SCYL3: variants seen among roughly 807,000 people sequenced by gnomAD.
The protein encoded by SCYL3 is SCY1 like pseudokinase 3, also known as protein-associating with the carboxyl-terminal domain of ezrin.
Under a neutral mutation model 73.8 loss-of-function variants are expected in SCYL3, and 35 were observed. The observed-to-expected ratio is 0.47, with a 90% CI of 0.36 to 0.63. The LOEUF is 0.63. Ranked by LOEUF, SCYL3 falls within the 20% of genes least tolerant of loss-of-function variation. The probability of loss-of-function intolerance (pLI) is 0.00; values close to 1 mark genes in which losing one functional copy is unlikely to be tolerated. For missense variants in SCYL3, 712 were observed against 798.9 expected (o/e 0.89, Z 1.31); for synonymous variants, 277 against 295.2 (o/e 0.94, Z 0.63).
At chr1:169,893,300 G>C (rs1391062209) in intron 1 of SCYL3, among the ~76,000 whole-genome samples, 1 of 152,164 alleles carries the variant, frequency 6.6e-6, no homozygotes, top group Non-Finnish European at 1.5e-5. Flanking sequence ...ACTGGTCTTG[G>C]ATCAAGAATG....
In SCYL3 at chr1:169,853,560, C is replaced by T. The variant is rs1465994761; in HGVS notation, c.*153G>A. ...TTTAGCCAGCACTCACAGTCAGTCTCCTACTTCAGTTGGCACAGACTGGAT... is the reference window on the plus strand; with the variant it reads ...TTTAGCCAGCACTCACAGTCAGTCTTCTACTTCAGTTGGCACAGACTGGAT... On this transcript the variant is annotated 3_prime_UTR_variant, in exon 13 of 13. Coordinates refer to ENST00000367771, the MANE Select transcript of SCYL3 (RefSeq NM_020423.7). The T allele has an allele frequency of 6.6e-6, 5 of 753,352 alleles. No homozygotes were observed. The highest frequency in any genetic ancestry group is 1.1e-5 in the Non-Finnish European group (5 of 456,794). The allele number at this position is 753,352 out of a possible 1,614,324, so 46.7% of individuals were successfully genotyped here. A position where few individuals can be genotyped will look rare whatever the true frequency, so the allele number is the denominator to read the frequency against.
chr1:169,890,145 A>G (rs1380269155), intron 1 of SCYL3, among the ~76,000 whole-genome samples: 2 of 152,256 alleles, frequency 1.3e-5, no homozygotes, highest in Non-Finnish European at 2.9e-5. Context: ...GCTATCACAG[A>G]GTTCCAACCA....
chr1:169,854,931 A>C lies in SCYL3; in HGVS notation c.1346T>G (p.Ile449Arg). The change falls in exon 12 of 13, where the codon ATA becomes AGA. Residue 449 changes from isoleucine to arginine, a missense_variant. By Grantham distance (97) the Ile-to-Arg change is moderately conservative. Around this residue, in one of 2 missense-constraint regions of SCYL3, gnomAD observed 370 missense variants for 350.8 expected, o/e 1.05. Coordinates refer to ENST00000367771, the MANE Select transcript of SCYL3 (RefSeq NM_020423.7). The part of the protein sequence containing the change: ...DPFSQPIKFP[I>R]NGLSDVKNTS... Reference sequence around the variant, plus strand: ...ATTTTTTACATCTGAGAGTCCATTTATGGGAAATTTAATAGGCTGAGAAAA... The same window carrying C: ...ATTTTTTACATCTGAGAGTCCATTTCTGGGAAATTTAATAGGCTGAGAAAA... 1 of 1,610,572 alleles carries C rather than the reference A, an allele frequency of 6.2e-7. No homozygotes were observed. The highest frequency in any genetic ancestry group is 1.1e-5 in the South Asian group (1 of 90,550).
chr1:169,891,953 G>A (rs1662116157), intron 1 of SCYL3, among the ~76,000 whole-genome samples: 1 of 152,064 alleles, frequency 6.6e-6, no homozygotes, highest in South Asian at 2.1e-4. Flanking sequence ...CTGTATTTTA[G>A]GTCTAAGACT....
At chr1:169,858,497 T>A (rs1010543588) in intron 11 of SCYL3, among the ~76,000 whole-genome samples, 12 of 152,230 alleles carry the variant, frequency 7.9e-5, no homozygotes, top group African/African-American at 2.9e-4. Flanking sequence ...TTCTTTTTAA[T>A]AAGCAGAAGG....
intron 1 of SCYL3, among the ~76,000 whole-genome samples, chr1:169,891,316 C>A (rs967947962): frequency 3.9e-5 from 6 of 152,310 alleles, no homozygotes; most frequent in African/African-American, 1.4e-4. Flanking sequence ...TTACTACTAT[C>A]CATCTCAAGA....
Position 169,870,618 on chromosome 1 carries a change from C to T in SCYL3, c.523-261G>A, listed in dbSNP as rs186603533. Among the ~76,000 whole-genome samples, 623 of 152,208 alleles carry T rather than the reference C, an allele frequency of 4.1e-3. 5 individuals carry two copies. The highest frequency in any genetic ancestry group is 0.013 in the African/African-American group (553 of 41,538). Reference sequence around the variant, plus strand: ...CTTTTACAAATATTTTCACAGCAATCCATGGTAAAGAATATGTCTTATATC... The same window carrying T: ...CTTTTACAAATATTTTCACAGCAATTCATGGTAAAGAATATGTCTTATATC... On this transcript the variant is annotated intron_variant, in intron 5 of 12. Coordinates refer to ENST00000367771, the MANE Select transcript of SCYL3 (RefSeq NM_020423.7).
At position 169,853,340 on chromosome 1, in the gene SCYL3, C is replaced by CTTATG. The variant is rs1365564382; in HGVS notation, c.*368_*372dup. The CTTATG allele has an allele frequency of 9.3e-6, 3 of 321,146 alleles. No individual in the cohort carries two copies. 19.9% of individuals were successfully genotyped at this position (321,146 alleles called of 1,614,324 possible). ...GTTGTATTTCATAATAGAGCTTACT[C>CTTATG]TTATGTTAAAGAATGGCACAAAATT... On this transcript the variant is annotated 3_prime_UTR_variant, in exon 13 of 13. Coordinates refer to ENST00000367771, the MANE Select transcript of SCYL3 (RefSeq NM_020423.7).
At chr1:169,857,807 A>T (rs1659305324) in intron 11 of SCYL3, among the ~76,000 whole-genome samples, 1 of 152,222 alleles carries the variant, frequency 6.6e-6, no homozygotes, top group Admixed American at 6.5e-5. Flanking sequence ...TTGTCCTTGT[A>T]TAAACATAGA....
At chr1:169,862,841 A>C (rs376691644) in intron 9 of SCYL3, 44 bp from the exon 10 acceptor site, 1 of 1,591,044 alleles carries the variant, frequency 6.3e-7, no homozygotes. Context: ...ACAAATTTTC[A>C]TTTCAGTGAA....
At chr1:169,892,378 C>T (rs1219170681) in intron 1 of SCYL3, among the ~76,000 whole-genome samples, 1 of 152,208 alleles carries the variant, frequency 6.6e-6, no homozygotes, top group East Asian at 1.9e-4. Context: ...CCCTCCCCAG[C>T]CTCCCTAGTT....
At chr1:169,873,907 C>G (rs1660611435) in intron 4 of SCYL3, among the ~76,000 whole-genome samples, 155 bp from the exon 5 acceptor site, 1 of 152,180 alleles carries the variant, frequency 6.6e-6, no homozygotes, top group Admixed American at 6.5e-5. Context: ...TAAAATGCTT[C>G]TAATTTTAAA....
chr1:169,891,567 GTCTC>G (rs1321737201), intron 1 of SCYL3, among the ~76,000 whole-genome samples: 1 of 152,194 alleles, frequency 6.6e-6, no homozygotes, highest in African/African-American at 2.4e-5. Flanking sequence ...TAGTCTGACC[GTCTC>G]TCTCTCACCC....
intron 10 of SCYL3, chr1:169,859,889 GTAACCTCCCAGGAGCTGGGGAC>G (rs1325194473): frequency 4.6e-5 from 7 of 152,358 alleles, no homozygotes; most frequent in Middle Eastern, 3.4e-3. Context: ...CATCAATATA[GTAACCTCCCAGGAGCTGGGGAC>G]TACCAGGTTG....
intron 11 of SCYL3, among the ~76,000 whole-genome samples, chr1:169,857,250 A>G (rs1222758119): frequency 6.6e-6 from 1 of 152,244 alleles, no homozygotes; most frequent in Non-Finnish European, 1.5e-5. Flanking sequence ...TATCTACTAA[A>G]TTTAAAATAT....
rs1309925782 is a variant in SCYL3, at chr1:169,854,682, C to T, written c.1595G>A (p.Gly532Asp). Residue 532 changes from glycine to aspartate, a missense_variant, in exon 12 of 13, where the codon GGT (glycine) becomes GAT (aspartate). Around this residue, in one of 2 missense-constraint regions of SCYL3, gnomAD observed 370 missense variants for 350.8 expected, o/e 1.05. Coordinates refer to ENST00000367771, the MANE Select transcript of SCYL3 (RefSeq NM_020423.7). ...AACAGGTTTTGTAGCAGTGATTCCA[C>T]CTCCTGGGTTTACTTTAGTATCTAA... Reference protein sequence around the residue: ...SSLDTKVNPGGGITATKPVTS... With the variant: ...SSLDTKVNPGDGITATKPVTS... 1.2e-5 allele frequency: 19 copies of T among 1,613,900 alleles called. No homozygotes were observed. The Admixed American group carries it at 3.0e-4, about 25-fold the overall frequency.
chr1:169,893,761 G>C (rs1662259361), intron 1 of SCYL3, 27 bp downstream of exon 1: 1 of 152,224 alleles, frequency 6.6e-6, no homozygotes, highest in Non-Finnish European at 1.5e-5. Flanking sequence ...GCAAGGACTG[G>C]GGGCGCAGCG....
At chr1:169,857,640 T>C (rs937554876) in intron 11 of SCYL3, among the ~76,000 whole-genome samples, 1 of 152,252 alleles carries the variant, frequency 6.6e-6, no homozygotes, top group Non-Finnish European at 1.5e-5. Flanking sequence ...TAAGTTAGAC[T>C]TCTATGTATT....
In SCYL3 at chr1:169,852,548, A is replaced by G. The variant is rs1302556483; in HGVS notation, c.*1165T>C. ...CTCATTGGGAGCCCTTTGGGACAGGATACTTGTTGTATACCACATACAAAC... is the reference window on the plus strand; with the variant it reads ...CTCATTGGGAGCCCTTTGGGACAGGGTACTTGTTGTATACCACATACAAAC... On this transcript the variant is annotated 3_prime_UTR_variant, in exon 13 of 13. Coordinates refer to ENST00000367771, the MANE Select transcript of SCYL3 (RefSeq NM_020423.7). The G allele has an allele frequency of 1.9e-6, 1 of 517,790 alleles. No individual in the cohort carries two copies. Among genetic ancestry groups the G allele is most frequent in the Non-Finnish European group, 3.4e-6 (1 of 291,908 alleles). 32.1% of individuals were successfully genotyped at this position (517,790 alleles called of 1,614,324 possible). A position where few individuals can be genotyped will look rare whatever the true frequency, so the allele number is the denominator to read the frequency against.
Sources: gnomAD v4.1 joint callset for allele counts (sites outside exome capture counted in the v4.1 genomes callset) on GRCh38, gnomAD v4.1.1 for gene constraint, gnomAD v4.1.1 regional missense constraint, MANE v1.5 for transcripts, NCBI Gene and HGNC (gene_info 2026-07-23, HGNC 2026-07-21) for gene names.